CSMD1: variants seen among roughly 807,000 people sequenced by gnomAD.
CSMD1 encodes the protein CUB and sushi domain-containing protein 1.
Under a neutral mutation model 417.5 loss-of-function variants are expected in CSMD1, and 213 were observed. That is an observed-to-expected ratio of 0.51 (90% CI 0.46 to 0.57). The LOEUF is 0.57. Among genes scored for constraint, CSMD1 ranks in the 20% least tolerant of loss-of-function variants. The probability of loss-of-function intolerance (pLI) is 0.00; values close to 1 mark genes in which losing one functional copy is unlikely to be tolerated. For synonymous variants in CSMD1, 2,862 were observed against 1,736.8 expected (o/e 1.65, Z -16.11); for missense variants, 6,923 against 4,529.7 (o/e 1.53, Z -15.17).
intron 2 of CSMD1, among the ~76,000 whole-genome samples, chr8:4,604,323 T>A (rs1800751449): frequency 6.6e-6 from 1 of 151,230 alleles, no homozygotes; most frequent in African/African-American, 2.4e-5. Context: ...CATTAAATGG[T>A]TATATATACA....
intron 5 of CSMD1, among the ~76,000 whole-genome samples, chr8:3,966,044 G>C (rs1307842589): frequency 2.0e-5 from 3 of 152,304 alleles, no homozygotes; most frequent in Non-Finnish European, 2.9e-5. Flanking sequence ...ACTGGTGAGA[G>C]AATGAATGAC....
At chr8:3,368,137 A>G (rs62503467) in intron 19 of CSMD1, among the ~76,000 whole-genome samples, 36,069 of 151,812 alleles carry the variant, frequency 0.24, 4,335 homozygotes, top group African/African-American at 0.3. Context: ...TGATTATAAA[A>G]CTTTGATCAC....
At chr8:4,059,539 C>A (rs1014771449) in intron 3 of CSMD1, among the ~76,000 whole-genome samples, 2 of 152,004 alleles carry the variant, frequency 1.3e-5, no homozygotes, top group African/African-American at 2.4e-5. Flanking sequence ...AATTGATAGA[C>A]TGCTAGCAAG....
intron 1 of CSMD1, among the ~76,000 whole-genome samples, chr8:4,931,828 T>C (rs12334744): frequency 0.31 from 47,349 of 152,156 alleles, 8,333 homozygotes; most frequent in Non-Finnish European, 0.41. Context: ...TTAAGAGTTT[T>C]AAAATGCAGT....
At chr8:3,087,067 C>G in intron 49 of CSMD1, 30 bp downstream of exon 49, 1 of 1,588,560 alleles carries the variant, frequency 6.3e-7, no homozygotes. Context: ...ACACAGGAAA[C>G]AAGGCTGGGG....
intron 62 of CSMD1, among the ~76,000 whole-genome samples, chr8:2,959,084 T>C (rs1342971193): frequency 6.6e-6 from 1 of 152,176 alleles, no homozygotes; most frequent in Non-Finnish European, 1.5e-5. Flanking sequence ...CATTTACTCT[T>C]GATTGATTGA....
At chr8:4,257,110 C>G (rs1371486813) in intron 3 of CSMD1, among the ~76,000 whole-genome samples, 1 of 152,122 alleles carries the variant, frequency 6.6e-6, no homozygotes, top group Non-Finnish European at 1.5e-5. Context: ...TCGCCATACT[C>G]TATATGAGTC....
At chr8:3,461,413 G>C (rs1232721615) in intron 12 of CSMD1, among the ~76,000 whole-genome samples, 1 of 152,198 alleles carries the variant, frequency 6.6e-6, no homozygotes, top group Non-Finnish European at 1.5e-5. Context: ...CGGCCATAAT[G>C]CTGTGTCAGT....
intron 10 of CSMD1, among the ~76,000 whole-genome samples, chr8:3,539,765 A>G (rs1414775198): frequency 2.6e-5 from 3 of 114,150 alleles, no homozygotes; most frequent in Admixed American, 2.4e-4. Context: ...CTTTATGATA[A>G]AAAAAAAAAA....
chr8:4,537,600 G>A (rs551776120), intron 2 of CSMD1, among the ~76,000 whole-genome samples: 4 of 152,118 alleles, frequency 2.6e-5, no homozygotes, highest in Admixed American at 6.5e-5. Flanking sequence ...GGCTTTTCTC[G>A]GACCTACTGT....
At chr8:4,777,754 C>A (rs570528411) in intron 1 of CSMD1, among the ~76,000 whole-genome samples, 2 of 152,168 alleles carry the variant, frequency 1.3e-5, no homozygotes, top group Non-Finnish European at 1.5e-5. Flanking sequence ...GTAATACATG[C>A]ACATGTATCT....
intron 3 of CSMD1, among the ~76,000 whole-genome samples, chr8:4,065,026 A>G (rs985525948): frequency 2.6e-5 from 4 of 152,228 alleles, no homozygotes; most frequent in African/African-American, 9.6e-5. Flanking sequence ...TTTTTAAAAA[A>G]AATCTGAAAT....
chr8:4,829,521 C>T lies in CSMD1; in HGVS notation c.85+164811G>A, dbSNP rs557724474. ...CTTTACCAGGCTGAGGCAGGAGGAT[C>T]TCTTGAGCCCAGGAGTTCAAGAGCA... On this transcript the variant is annotated intron_variant, in intron 1 of 69. Transcript: ENST00000635120. Among the ~76,000 whole-genome samples the T allele has an allele frequency of 1.2e-4, 19 of 152,180 alleles. No homozygotes were observed. The East Asian group carries it at 2.5e-3, about 20-fold the overall frequency.
At chr8:4,297,731 T>C (rs1797763119) in intron 3 of CSMD1, among the ~76,000 whole-genome samples, 1 of 152,168 alleles carries the variant, frequency 6.6e-6, no homozygotes, top group Non-Finnish European at 1.5e-5. Context: ...TGGAAGATCA[T>C]TCAATGGCAC....
intron 2 of CSMD1, among the ~76,000 whole-genome samples, chr8:4,631,468 G>A (rs951157013): frequency 6.6e-6 from 1 of 151,422 alleles, no homozygotes; most frequent in East Asian, 1.9e-4. Flanking sequence ...CAACTATGGA[G>A]ACAGAAAAGC....
In CSMD1 at chr8:3,104,709, T is replaced by C. The variant is rs944301743; in HGVS notation, c.6949+1819A>G. Among the ~76,000 whole-genome samples, 22 of 97,606 alleles carry C rather than the reference T, an allele frequency of 2.3e-4. 1 individual carries two copies. The highest frequency in any genetic ancestry group is 5.9e-4 in the African/African-American group (16 of 27,068). 64.0% of individuals were successfully genotyped at this position (97,606 alleles called of 152,430 possible). A position where few individuals can be genotyped will look rare whatever the true frequency, so the allele number is the denominator to read the frequency against. ...AGTTATCAGACTTTTTTTTTTCTTT[T>C]CTTTTTTTTTTTTTTTGAGACAGAG... On this transcript the variant is annotated intron_variant, in intron 46 of 69. Coordinates refer to ENST00000635120, the MANE Select transcript of CSMD1 (RefSeq NM_033225.6).
At chr8:3,429,015 G>C (rs570583798) in intron 12 of CSMD1, among the ~76,000 whole-genome samples, 1 of 152,142 alleles carries the variant, frequency 6.6e-6, no homozygotes, top group African/African-American at 2.4e-5. Flanking sequence ...AGGATGGAAT[G>C]GTGGTTACCA....
intron 51 of CSMD1, among the ~76,000 whole-genome samples, 194 bp downstream of exon 51, chr8:3,029,125 G>A (rs186551422): frequency 1.3e-5 from 2 of 152,082 alleles, no homozygotes; most frequent in East Asian, 1.9e-4. Context: ...ATGCCTAATC[G>A]AGCAGCAATG....
chr8:2,998,622 A>G (rs1807124693), intron 53 of CSMD1, among the ~76,000 whole-genome samples: 1 of 152,166 alleles, frequency 6.6e-6, no homozygotes, highest in African/African-American at 2.4e-5. Flanking sequence ...ATACTTTTTA[A>G]TGTCCATGTA....
Sources: gnomAD v4.1 joint callset for allele counts (sites outside exome capture counted in the v4.1 genomes callset) on GRCh38, gnomAD v4.1.1 for gene constraint, MANE v1.5 for transcripts, NCBI Gene and HGNC (gene_info 2026-07-23, HGNC 2026-07-21) for gene names.